Variants in ULK2 observed in about 807,000 individuals in gnomAD.
The protein encoded by ULK2 is serine/threonine-protein kinase ULK2.
In ULK2, 76 loss-of-function variants were observed where a neutral mutation model predicts 127.5. The observed-to-expected ratio is 0.60, with a 90% CI of 0.50 to 0.72. The LOEUF (loss-of-function observed/expected upper bound fraction) is 0.72, where lower values mean the gene tolerates loss of function less well. Ranked by LOEUF, ULK2 falls within the 30% of genes least tolerant of loss-of-function variation. The pLI is 0.00. For synonymous variants in ULK2, 452 were observed against 461.9 expected (o/e 0.98, Z 0.28); for missense variants, 1,144 against 1,295.9 (o/e 0.88, Z 1.80).
intron 10 of ULK2, among the ~76,000 whole-genome samples, chr17:19,833,491 G>T (rs936651042): frequency 1.3e-5 from 2 of 151,748 alleles, no homozygotes; most frequent in Non-Finnish European, 2.9e-5. Flanking sequence ...GGTGGATCAC[G>T]TGAGCCCAGG....
Position 19,867,361 on chromosome 17 carries a change from G to T in ULK2, c.57C>A (p.Ala19=). The T allele has an allele frequency of 6.2e-7, 1 of 1,602,880 alleles. No homozygotes were observed. Among genetic ancestry groups the T allele is most frequent in the Non-Finnish European group, 8.5e-7 (1 of 1,175,830 alleles). Residue 19 remains alanine, a synonymous_variant, in exon 1 of 27, where the codon GCC becomes GCA. Transcript: ENST00000395544. ...YSKRDLVGHG[A]FAVVFRGRHR... Reference sequence around the variant, plus strand: ...GCCGCCCCCGGAAGACCACGGCGAAGGCCCCGTGTCCCACGAGATCCCTCT... The same window carrying T: ...GCCGCCCCCGGAAGACCACGGCGAATGCCCCGTGTCCCACGAGATCCCTCT...
intron 20 of ULK2, among the ~76,000 whole-genome samples, chr17:19,790,406 A>G (rs1180233807): frequency 6.6e-6 from 1 of 152,230 alleles, no homozygotes; most frequent in Non-Finnish European, 1.5e-5. Context: ...GACAAGAGCG[A>G]AACTCCATCT....
chr17:19,861,197 A>T (rs2042235193), intron 3 of ULK2: 1 of 152,178 alleles, frequency 6.6e-6, no homozygotes, highest in Admixed American at 6.6e-5. Flanking sequence ...CCCTAATGAT[A>T]CCTCATTCTA....
chr17:19,829,838 CAAAAAAAAA>C (rs60131689), intron 10 of ULK2, among the ~76,000 whole-genome samples: 8 of 120,616 alleles, frequency 6.6e-5, no homozygotes, highest in Non-Finnish European at 9.7e-5. Context: ...GACTCCATTT[CAAAAAAAAA>C]AAAAAAAAAG....
In ULK2 at chr17:19,867,470, G is replaced by C; in HGVS notation, c.-53C>G. ...CGGGCGGGCGGCGCAGTGCGGCGCA[G>C]GTATCAGCACCGCGGCTCCGCGGGC... On this transcript the variant is annotated 5_prime_UTR_variant, in exon 1 of 27. Coordinates refer to ENST00000395544, the MANE Select transcript of ULK2 (RefSeq NM_014683.4). 6.7e-7 allele frequency: 1 copy of C among 1,493,228 alleles called. No homozygotes were observed. The highest frequency in any genetic ancestry group is 9.0e-7 in the Non-Finnish European group (1 of 1,106,498). The allele number at this position is 1,493,228 out of a possible 1,614,324, so 92.5% of individuals were successfully genotyped here.
At position 19,810,002 on chromosome 17, in the gene ULK2, C is replaced by T. The variant is rs981886418; in HGVS notation, c.1157+376G>A. ...ATCCCAGCACTCTGGGAGGCCAAGG[C>T]GGGCGGATCATGAGATCAGGAGATC... On this transcript the variant is annotated intron_variant, in intron 14 of 26. Coordinates refer to ENST00000395544, the MANE Select transcript of ULK2 (RefSeq NM_014683.4). 2.0e-5 allele frequency among the ~76,000 whole-genome samples: 3 copies of T among 152,024 alleles called. No homozygotes were observed. The East Asian group carries it at 5.8e-4, about 29-fold the overall frequency.
chr17:19,792,521 A>C (rs2087176563), intron 20 of ULK2, among the ~76,000 whole-genome samples: 1 of 152,238 alleles, frequency 6.6e-6, no homozygotes, highest in Non-Finnish European at 1.5e-5. Flanking sequence ...TAAGAAAGTA[A>C]ATTTCTGTTC....
chr17:19,821,563 G>C (rs1261126151), intron 12 of ULK2, among the ~76,000 whole-genome samples: 1 of 152,136 alleles, frequency 6.6e-6, no homozygotes, highest in Non-Finnish European at 1.5e-5. Context: ...TAGAAAGAAG[G>C]GGAAGCATGT....
rs539301517 is a variant in ULK2 at position 19,779,436 on chromosome 17, G to A, written c.2916+1036C>T. 6.8e-5 allele frequency among the ~76,000 whole-genome samples: 10 copies of A among 146,356 alleles called. 1 individual carries two copies. The South Asian group carries it at 1.3e-3, about 19-fold the overall frequency. ...AATCCCAGCTACATGGGAGGCTAAC[G>A]CAGCAGAATCGCTTGAACCTGGGAA... is the stretch of plus-strand genomic sequence containing the variant. On this transcript the variant is annotated intron_variant, in intron 25 of 26. Transcript: ENST00000395544.
chr17:19,855,406 A>G (rs2042104723), intron 3 of ULK2, among the ~76,000 whole-genome samples: 1 of 150,860 alleles, frequency 6.6e-6, no homozygotes, highest in South Asian at 2.1e-4. Flanking sequence ...TCCATCTCAA[A>G]AAAAAAAAAG....
chr17:19,815,431 C>T lies in ULK2; in HGVS notation c.1096+1318G>A, dbSNP rs541597857. Reference sequence around the variant, plus strand: ...CCGAGTAGCTGGGATTACAGGTGCGCGCCACCATACCTGGCTAATTTTTGT... The same window carrying T: ...CCGAGTAGCTGGGATTACAGGTGCGTGCCACCATACCTGGCTAATTTTTGT... On this transcript the variant is annotated intron_variant, in intron 13 of 26. Transcript: ENST00000395544. Among the ~76,000 whole-genome samples the T allele has an allele frequency of 1.5e-3, 224 of 152,030 alleles. 1 individual carries two copies. The highest frequency in any genetic ancestry group is 5.0e-3 in the African/African-American group (207 of 41,484).
At position 19,850,145 on chromosome 17, in the gene ULK2, G is replaced by A. The variant is rs559795712; in HGVS notation, c.226-371C>T. Reference sequence around the variant, plus strand: ...GTCCTTGGGGAAACACTTCCACTTTGAAAAGTTTATGATTTGGAGCAGCAA... The same window carrying A: ...GTCCTTGGGGAAACACTTCCACTTTAAAAAGTTTATGATTTGGAGCAGCAA... On this transcript the variant is annotated intron_variant, in intron 3 of 26. Transcript: ENST00000395544. 4.6e-5 allele frequency among the ~76,000 whole-genome samples: 7 copies of A among 152,286 alleles called. No homozygotes were observed. The South Asian group carries it at 8.3e-4, about 18-fold the overall frequency.
intron 10 of ULK2, among the ~76,000 whole-genome samples, chr17:19,838,071 T>C (rs1242278890): frequency 2.6e-5 from 4 of 152,144 alleles, no homozygotes; most frequent in African/African-American, 9.7e-5. Context: ...CTTAAAAAGC[T>C]CTTCCCACAG....
At chr17:19,789,277 A>G (rs747873249) in intron 20 of ULK2, among the ~76,000 whole-genome samples, 4 of 152,104 alleles carry the variant, frequency 2.6e-5, no homozygotes, top group Non-Finnish European at 4.4e-5. Flanking sequence ...CTTTTGATAA[A>G]AAGTTAGGGA....
In ULK2 at chr17:19,811,126, A is replaced by T. The variant is rs1193580714; in HGVS notation, c.1097-688T>A. On this transcript the variant is annotated intron_variant, in intron 13 of 26. Coordinates refer to ENST00000395544, the MANE Select transcript of ULK2 (RefSeq NM_014683.4). Reference sequence around the variant, plus strand: ...ATAATAATGTCAGGTAGCAATAAGCATTATAAAGGAAAATAAATCAGGGTA... The same window carrying T: ...ATAATAATGTCAGGTAGCAATAAGCTTTATAAAGGAAAATAAATCAGGGTA... The T allele has an allele frequency of 6.6e-5, 10 of 152,302 alleles. No homozygotes were observed. The East Asian group carries it at 1.9e-3, about 29-fold the overall frequency. The allele number at this position is 152,302 out of a possible 1,614,324, so 9.4% of individuals were successfully genotyped here. A position where few individuals can be genotyped will look rare whatever the true frequency, so the allele number is the denominator to read the frequency against.
At chr17:19,782,929 A>AACAAAC (rs1229776354) in intron 22 of ULK2, among the ~76,000 whole-genome samples, 1 of 149,682 alleles carries the variant, frequency 6.7e-6, no homozygotes, top group African/African-American at 2.5e-5. Context: ...TAAACAAACA[A>AACAAAC]ACAAACAAAC....
rs1262373440 is a variant in ULK2 at position 19,773,301 on chromosome 17, G to T, written c.*3048C>A. 1.3e-5 allele frequency: 2 copies of T among 152,108 alleles called. No homozygotes were observed. Among genetic ancestry groups the T allele is most frequent in the African/African-American group, 2.4e-5 (1 of 41,418 alleles). The allele number at this position is 152,108 out of a possible 1,614,324, so 9.4% of individuals were successfully genotyped here. A position where few individuals can be genotyped will look rare whatever the true frequency, so the allele number is the denominator to read the frequency against. On this transcript the variant is annotated 3_prime_UTR_variant, in exon 27 of 27. Transcript: ENST00000395544. Reference sequence around the variant, plus strand: ...AAACAAGCCAACAAAAAAATAATAAGGATTCTTCAGATATCTGAGTCCAGG... The same window carrying T: ...AAACAAGCCAACAAAAAAATAATAATGATTCTTCAGATATCTGAGTCCAGG...
At chr17:19,796,398 G>A in intron 18 of ULK2, 116 bp from the exon 19 acceptor site, 1 of 971,210 alleles carries the variant, frequency 1.0e-6, no homozygotes, top group Non-Finnish European at 1.4e-6. Flanking sequence ...GATAGGTCGG[G>A]TGGTGGGAAA....
chr17:19,841,614 C>T, intron 8 of ULK2, 67 bp from the exon 9 acceptor site: 4 of 1,248,358 alleles, frequency 3.2e-6, no homozygotes, highest in East Asian at 2.6e-5. Flanking sequence ...ATATGATTGA[C>T]ACTCATATGC....
Sources: gnomAD v4.1 joint callset for allele counts (sites outside exome capture counted in the v4.1 genomes callset) on GRCh38, gnomAD v4.1.1 for gene constraint, MANE v1.5 for transcripts, NCBI Gene and HGNC (gene_info 2026-07-23, HGNC 2026-07-21) for gene names.